ANKMY1: variants seen among roughly 807,000 people sequenced by gnomAD.
ANKMY1 encodes the protein ankyrin repeat and MYND domain-containing protein 1.
A neutral mutation model predicts 102.0 loss-of-function variants in ANKMY1; 98 were observed. The observed-to-expected ratio is 0.96, with a 90% CI of 0.82 to 1.14. ANKMY1 has a LOEUF of 1.14. Among genes scored for constraint, ANKMY1 ranks in the 50% most tolerant of loss-of-function variants. The pLI is 0.00. For synonymous variants in ANKMY1, 582 were observed against 559.9 expected (o/e 1.04, Z -0.56); for missense variants, 1,330 against 1,347.6 (o/e 0.99, Z 0.20).
intron 15 of ANKMY1, among the ~76,000 whole-genome samples, chr2:240,493,628 T>G (rs2076899638): frequency 6.6e-6 from 1 of 152,132 alleles, no homozygotes; most frequent in African/African-American, 2.4e-5. Context: ...ATCTGTGATT[T>G]TCTTGGTGGG....
At chr2:240,541,720 T>C (rs1376169181) in intron 4 of ANKMY1, among the ~76,000 whole-genome samples, 1 of 151,840 alleles carries the variant, frequency 6.6e-6, no homozygotes, top group African/African-American at 2.4e-5. Context: ...GCCAGGATGA[T>C]CTTGATCTCC....
rs1041981674 is a variant in ANKMY1 at position 240,520,451 on chromosome 2, G to A, written c.1915C>T (p.Leu639=). The A allele has an allele frequency of 2.5e-6, 4 of 1,613,280 alleles. No homozygotes were observed. Among genetic ancestry groups the A allele is most frequent in the Non-Finnish European group, 3.4e-6 (4 of 1,179,772 alleles). The change falls in exon 9 of 18, where the codon CTG becomes TTG. Residue 639 remains leucine (L), a synonymous_variant. Coordinates refer to ENST00000401804, the MANE Select transcript of ANKMY1 (RefSeq NM_001282771.3). The surrounding 1 kb of genome is among the most constrained non-coding windows in gnomAD (Gnocchi z 4.8). Reference sequence around the variant, plus strand: ...TCCCCGGCCTTCACAGCAAGGAACAGGACCTGCATGGGCACGCAGCACAGG... The same window carrying A: ...TCCCCGGCCTTCACAGCAAGGAACAAGACCTGCATGGGCACGCAGCACAGG... ...PNLCCVPMQV[L]FLAVKAGDVD...
intron 16 of ANKMY1, among the ~76,000 whole-genome samples, chr2:240,481,759 G>C (rs1574855127): frequency 1.3e-5 from 2 of 152,326 alleles, no homozygotes; most frequent in South Asian, 4.1e-4. Context: ...GGAGGGAGGG[G>C]CTAGGAAGGT....
At chr2:240,501,324 T>G (rs1315781462) in intron 13 of ANKMY1, among the ~76,000 whole-genome samples, 1 of 152,206 alleles carries the variant, frequency 6.6e-6, no homozygotes, top group Admixed American at 6.5e-5. Flanking sequence ...TGCATGCACC[T>G]ATGTGCATGT....
At chr2:240,496,129 T>C (rs2077223295) in intron 15 of ANKMY1, among the ~76,000 whole-genome samples, 1 of 152,214 alleles carries the variant, frequency 6.6e-6, no homozygotes, top group Non-Finnish European at 1.5e-5. Context: ...TTTTGAGTTA[T>C]TTTTCTCTTG....
At chr2:240,477,630 G>A (rs3922420), downstream of ANKMY1, among the ~76,000 whole-genome samples, 2 of 151,982 alleles carry the variant, frequency 1.3e-5, no homozygotes, top group South Asian at 2.1e-4. Context: ...CAAGCAATCC[G>A]CCTGCCTCGG....
intron 9 of ANKMY1, among the ~76,000 whole-genome samples, chr2:240,519,350 G>A (rs758159107): frequency 1.3e-5 from 2 of 152,210 alleles, no homozygotes; most frequent in Non-Finnish European, 2.9e-5. Flanking sequence ...TGACAACAAG[G>A]GTTCAGGCAA....
At chr2:240,555,874 A>T (rs1329621698) in intron 2 of ANKMY1, among the ~76,000 whole-genome samples, 10 of 152,072 alleles carry the variant, frequency 6.6e-5, no homozygotes, top group Non-Finnish European at 1.5e-4. Context: ...AAAGATGGAC[A>T]GGGCATCTCA....
At chr2:240,552,573 T>C (rs1003093921) in intron 4 of ANKMY1, among the ~76,000 whole-genome samples, 4 of 152,212 alleles carry the variant, frequency 2.6e-5, no homozygotes, top group African/African-American at 9.6e-5. Flanking sequence ...GGGAAAGGCA[T>C]CTGTATTTGA....
At chr2:240,522,162 T>C (rs1261698539) in intron 8 of ANKMY1, 1 of 152,170 alleles carries the variant, frequency 6.6e-6, no homozygotes, top group East Asian at 1.9e-4. Flanking sequence ...GAGTGCTGAT[T>C]GGTGCATTTA....
chr2:240,514,566 G>C (rs994772939), intron 9 of ANKMY1, among the ~76,000 whole-genome samples: 1 of 152,210 alleles, frequency 6.6e-6, no homozygotes, highest in Non-Finnish European at 1.5e-5. Context: ...ATTCAATCAA[G>C]AGGGTAACAT....
At chr2:240,511,154 C>G (rs1478360285) in intron 11 of ANKMY1, among the ~76,000 whole-genome samples, 1 of 152,200 alleles carries the variant, frequency 6.6e-6, no homozygotes, top group Non-Finnish European at 1.5e-5. Context: ...ATCCCCATCC[C>G]AGTGTCACCC....
chr2:240,557,403 A>G (rs2092481394), intron 1 of ANKMY1, 51 bp from the exon 2 acceptor site: 3 of 1,406,536 alleles, frequency 2.1e-6, no homozygotes, highest in Non-Finnish European at 2.8e-6. Context: ...CCCGCCGCGA[A>G]CTCAGAGGGC....
At chr2:240,524,651 C>T (rs1249430948) in intron 7 of ANKMY1, among the ~76,000 whole-genome samples, 6 of 152,246 alleles carry the variant, frequency 3.9e-5, no homozygotes, top group Non-Finnish European at 7.3e-5. Flanking sequence ...GGCCTGTCCG[C>T]ACCCAGGTGC....
At chr2:240,537,906 T>G (rs1559356146) in intron 4 of ANKMY1, among the ~76,000 whole-genome samples, 1 of 152,194 alleles carries the variant, frequency 6.6e-6, no homozygotes, top group Non-Finnish European at 1.5e-5. Flanking sequence ...CTGCAACCAA[T>G]CCAGCTGCTT....
intron 8 of ANKMY1, among the ~76,000 whole-genome samples, chr2:240,521,684 G>A (rs1461069944): frequency 1.3e-5 from 2 of 152,000 alleles, no homozygotes; most frequent in East Asian, 1.9e-4. Context: ...ATTTTTAGTA[G>A]AGACGGGGTT....
chr2:240,551,277 G>A (rs1041993498), intron 4 of ANKMY1, among the ~76,000 whole-genome samples: 4 of 150,984 alleles, frequency 2.6e-5, no homozygotes, highest in Non-Finnish European at 4.4e-5. Flanking sequence ...GTATACATTT[G>A]TAAACAAAAT....
chr2:240,520,625 G>A lies in ANKMY1; in HGVS notation c.1833-92C>T. ...CATGCCAGCGAGGAGGCTGGGGAGG[G>A]GCGCGTAGGGAGTATGTGTGTGCCG... is the stretch of plus-strand genomic sequence containing the variant. On this transcript the variant is annotated intron_variant, in intron 8 of 17. Coordinates refer to ENST00000401804, the MANE Select transcript of ANKMY1 (RefSeq NM_001282771.3). This position sits in a 1 kb window ranked among gnomAD's most constrained non-coding sequence, Gnocchi z 4.8. 6 of 1,447,706 alleles carry A rather than the reference G, an allele frequency of 4.1e-6. No homozygotes were observed. Among genetic ancestry groups the A allele is most frequent in the Non-Finnish European group, 3.7e-6 (4 of 1,086,990 alleles). The allele number at this position is 1,447,706 out of a possible 1,614,324, so 89.7% of individuals were successfully genotyped here.
chr2:240,512,728 G>C, intron 10 of ANKMY1, 74 bp downstream of exon 10: 1 of 1,513,174 alleles, frequency 6.6e-7, no homozygotes, highest in Non-Finnish European at 8.9e-7. Context: ...GCACAGGCTA[G>C]GCAGAGTGTG....
Sources: allele counts gnomAD v4.1 joint callset (sites outside exome capture counted in the v4.1 genomes callset), GRCh38; gene constraint gnomAD v4.1.1; non-coding constraint Gnocchi (gnomAD v3.1); transcripts MANE v1.5; gene names NCBI Gene and HGNC (gene_info 2026-07-23, HGNC 2026-07-21).